Variants in FSD2 observed in about 807,000 individuals in gnomAD.
FSD2 encodes fibronectin type III and SPRY domain containing 2, also known as fibronectin type III and SPRY domain-containing protein 2.
FSD2 carries 71 observed loss-of-function variants against 80.4 expected under a neutral mutation model. That is an observed-to-expected ratio of 0.88 (90% confidence interval 0.73 to 1.08). The LOEUF is 1.08. Ranked by LOEUF, FSD2 falls within the 50% of genes least tolerant of loss-of-function variation. The pLI, the probability that FSD2 is intolerant of heterozygous loss-of-function variation, is 0.00. For missense variants in FSD2, 923 were observed against 913.8 expected (o/e 1.01, Z -0.13); for synonymous variants, 361 against 329.5 (o/e 1.10, Z -1.03).
intron 7 of FSD2, 26 bp downstream of exon 7, chr15:82,772,047 C>T (rs1416068975): frequency 9.2e-6 from 14 of 1,525,604 alleles, no homozygotes; most frequent in Middle Eastern, 1.9e-4. Flanking sequence ...CCCATGAGCA[C>T]GGGCATGTTC....
At chr15:82,803,355 T>A (rs1482290154) in intron 1 of FSD2, among the ~76,000 whole-genome samples, 1 of 152,146 alleles carries the variant, frequency 6.6e-6, no homozygotes, top group Non-Finnish European at 1.5e-5. Context: ...CATCTGCACA[T>A]CGTGCATTCT....
At chr15:82,805,637 A>T (rs951942716) in intron 1 of FSD2, among the ~76,000 whole-genome samples, 1 of 152,218 alleles carries the variant, frequency 6.6e-6, no homozygotes, top group Admixed American at 6.5e-5. Flanking sequence ...GATATTCAAC[A>T]TCTATATTTC....
chr15:82,797,967 T>C (rs566642800), intron 1 of FSD2, among the ~76,000 whole-genome samples: 118 of 152,140 alleles, frequency 7.8e-4, no homozygotes, highest in African/African-American at 2.5e-3. Context: ...CAAGAGAAAA[T>C]CTTTCATCTC....
rs1285017394 is a variant in FSD2 at position 82,755,383 on chromosome 15, A to G, written c.*3965T>C. On this transcript the variant is annotated 3_prime_UTR_variant, in exon 13 of 13. Coordinates refer to ENST00000334574, the MANE Select transcript of FSD2 (RefSeq NM_001007122.4). The stretch of plus-strand genomic sequence containing the variant: ...CAAGTTCATATACCAAAACATTTTT[A>G]TTTGCTATGTCTGAGTGACTACATG... 2.0e-5 allele frequency: 3 copies of G among 152,158 alleles called. No homozygotes were observed. The highest frequency in any genetic ancestry group is 4.8e-5 in the African/African-American group (2 of 41,444). 9.4% of individuals were successfully genotyped at this position (152,158 alleles called of 1,614,324 possible).
chr15:82,789,992 C>T (rs567680813), intron 1 of FSD2, among the ~76,000 whole-genome samples: 18 of 152,184 alleles, frequency 1.2e-4, no homozygotes, highest in Middle Eastern at 3.4e-3. Context: ...CTGACCAATG[C>T]GGTGAAACCC....
At chr15:82,776,392 G>A (rs1368390175) in intron 6 of FSD2, among the ~76,000 whole-genome samples, 3 of 152,188 alleles carry the variant, frequency 2.0e-5, no homozygotes, top group Non-Finnish European at 4.4e-5. Flanking sequence ...CCTGGAGAAT[G>A]TTACATGTGT....
chr15:82,799,528 C>T (rs2050360743), intron 1 of FSD2, among the ~76,000 whole-genome samples: 1 of 152,202 alleles, frequency 6.6e-6, no homozygotes, highest in South Asian at 2.1e-4. Context: ...GTGCCCCATG[C>T]AGAGGCAGAG....
chr15:82,802,474 T>C (rs192650944), intron 1 of FSD2, among the ~76,000 whole-genome samples: 66 of 152,296 alleles, frequency 4.3e-4, no homozygotes, highest in Admixed American at 1.5e-3. Context: ...GAATCCTGCC[T>C]TCACACTCCT....
At chr15:82,788,160 A>G (rs1048461809) in intron 1 of FSD2, among the ~76,000 whole-genome samples, 10 of 152,138 alleles carry the variant, frequency 6.6e-5, no homozygotes, top group Admixed American at 1.3e-4. Context: ...TTTGTATATG[A>G]TAGCACCTGC....
intron 6 of FSD2, among the ~76,000 whole-genome samples, chr15:82,774,218 G>A (rs1411905989): frequency 6.6e-6 from 1 of 152,100 alleles, no homozygotes; most frequent in Non-Finnish European, 1.5e-5. Context: ...GGCTATAGGT[G>A]TACGGTGCCA....
Position 82,758,974 on chromosome 15 carries a change from G to A in FSD2, c.*374C>T, listed in dbSNP as rs754249174. ...TCTTGGCTGACTCATGAAATGCATGGGTGTACTGGTGCTGCTGGAGCCATT... is the reference window on the plus strand; with the variant it reads ...TCTTGGCTGACTCATGAAATGCATGAGTGTACTGGTGCTGCTGGAGCCATT... On this transcript the variant is annotated 3_prime_UTR_variant, in exon 13 of 13. Coordinates refer to ENST00000334574, the MANE Select transcript of FSD2 (RefSeq NM_001007122.4). 2 of 187,556 alleles carry A rather than the reference G, an allele frequency of 1.1e-5. No individual in the cohort carries two copies. Among genetic ancestry groups the A allele is most frequent in the Middle Eastern group, 2.4e-3 (1 of 414 alleles). 11.6% of individuals were successfully genotyped at this position (187,556 alleles called of 1,614,324 possible).
At chr15:82,791,059 C>T (rs900017949) in intron 1 of FSD2, among the ~76,000 whole-genome samples, 1 of 151,652 alleles carries the variant, frequency 6.6e-6, no homozygotes, top group Non-Finnish European at 1.5e-5. Flanking sequence ...AGTGCAGTGG[C>T]GCGATCTTAG....
chr15:82,792,438 C>A (rs2050173240), intron 1 of FSD2, among the ~76,000 whole-genome samples: 2 of 152,184 alleles, frequency 1.3e-5, no homozygotes, highest in Admixed American at 1.3e-4. Flanking sequence ...CTCTCCAAAT[C>A]TTTTGCCCAT....
chr15:82,763,252 T>A (rs144069168), intron 11 of FSD2, among the ~76,000 whole-genome samples: 1 of 152,266 alleles, frequency 6.6e-6, no homozygotes, highest in African/African-American at 2.4e-5. Flanking sequence ...ACTTCTCACA[T>A]CTCCATTTTG....
chr15:82,772,793 A>C (rs2049616287), intron 6 of FSD2, among the ~76,000 whole-genome samples: 1 of 152,216 alleles, frequency 6.6e-6, no homozygotes, highest in Non-Finnish European at 1.5e-5. Context: ...ACCCCTATAC[A>C]GTCTCACACA....
chr15:82,768,304 C>G (rs911872923), intron 9 of FSD2, among the ~76,000 whole-genome samples: 1 of 152,246 alleles, frequency 6.6e-6, no homozygotes, highest in African/African-American at 2.4e-5. Flanking sequence ...GCCCCCTCCC[C>G]CCGAAGCACC....
At chr15:82,766,974 A>G (rs545734653) in intron 9 of FSD2, among the ~76,000 whole-genome samples, 3 of 152,180 alleles carry the variant, frequency 2.0e-5, no homozygotes, top group African/African-American at 7.2e-5. Context: ...ATGCCCATTT[A>G]CCAATACAAC....
intron 4 of FSD2, among the ~76,000 whole-genome samples, chr15:82,782,072 A>AATAATAATAATAATG (rs2049873291): frequency 3.9e-5 from 3 of 75,976 alleles, no homozygotes; most frequent in African/African-American, 1.7e-4. Flanking sequence ...TCAAAATAAT[A>AATAATAATAATAATG]ATAATAATAA....
intron 1 of FSD2, among the ~76,000 whole-genome samples, chr15:82,803,831 CAG>C (rs564963710): frequency 8.2e-4 from 125 of 152,246 alleles, no homozygotes; most frequent in African/African-American, 2.9e-3. Flanking sequence ...CCTCTGGATT[CAG>C]AGAGTCCTGT....
Sources: allele counts gnomAD v4.1 joint callset (sites outside exome capture counted in the v4.1 genomes callset), GRCh38; gene constraint gnomAD v4.1.1; transcripts MANE v1.5; gene names NCBI Gene and HGNC (gene_info 2026-07-23, HGNC 2026-07-21).